The following XKR6 variants were observed in gnomAD, a reference collection of about 807,000 sequenced individuals.
The protein encoded by XKR6 is XK related 6.
In XKR6, 22 loss-of-function variants were observed where a neutral mutation model predicts 56.7. That is an observed-to-expected ratio of 0.39 (90% CI 0.28 to 0.55). The LOEUF (loss-of-function observed/expected upper bound fraction) is 0.55, where lower values mean the gene tolerates loss of function less well. XKR6 is among the 20% of genes least tolerant of loss of function. XKR6 has a pLI of 0.66. For synonymous variants in XKR6, 524 were observed against 387.8 expected, an observed-to-expected ratio of 1.35 and a Z score of -4.13; for missense variants, 852 against 889.0, an observed-to-expected ratio of 0.96 and a Z score of 0.53.
At chr8:10,957,942 G>A (rs536082348) in intron 1 of XKR6, among the ~76,000 whole-genome samples, 4 of 152,190 alleles carry the variant, frequency 2.6e-5, no homozygotes, top group South Asian at 2.1e-4. Context: ...AAAACTTGGT[G>A]TACTATAGTT....
At position 11,200,532 on chromosome 8, in the gene XKR6, G is replaced by C; in HGVS notation, c.764+44C>G. On this transcript the variant is annotated intron_variant, in intron 1 of 2. Coordinates refer to ENST00000416569, the MANE Select transcript of XKR6 (RefSeq NM_173683.4). The surrounding 1 kb of genome is among the most constrained non-coding windows in gnomAD (Gnocchi z 6.4). ...CGCGAAGCACCGGGAGGGCGGAGGG[G>C]GGCTCCTCAGGGCCGGCCCGCCCCC... The C allele has an allele frequency of 7.1e-7, 1 of 1,411,742 alleles. No homozygotes were observed. The highest frequency in any genetic ancestry group is 9.2e-7 in the Non-Finnish European group (1 of 1,091,044). 87.5% of individuals were successfully genotyped at this position (1,411,742 alleles called of 1,614,324 possible).
intron 1 of XKR6, chr8:11,111,774 C>T (rs1440221890): frequency 6.6e-6 from 1 of 152,028 alleles, no homozygotes; most frequent in Non-Finnish European, 1.5e-5. Flanking sequence ...ACTGATTCAT[C>T]TAGTAAGTTA....
chr8:11,059,701 G>A (rs1054873127), intron 1 of XKR6, among the ~76,000 whole-genome samples: 2 of 128,528 alleles, frequency 1.6e-5, no homozygotes, highest in African/African-American at 8.7e-5. Flanking sequence ...CGGGACAGGC[G>A]CGTCTCTGTT....
chr8:11,189,443 A>G (rs1246313132), intron 1 of XKR6, among the ~76,000 whole-genome samples: 2 of 152,144 alleles, frequency 1.3e-5, no homozygotes. Context: ...GGCAACAGCA[A>G]CTCTTTGGTT....
chr8:10,906,962 C>T (rs943091156), intron 2 of XKR6, among the ~76,000 whole-genome samples: 8 of 152,102 alleles, frequency 5.3e-5, no homozygotes, highest in South Asian at 2.1e-4. Context: ...ACAGGGGAAT[C>T]GTTTGAACCT....
chr8:10,909,305 A>G (rs1800282019), intron 2 of XKR6, among the ~76,000 whole-genome samples: 1 of 152,198 alleles, frequency 6.6e-6, no homozygotes, highest in Non-Finnish European at 1.5e-5. Flanking sequence ...CAAAACCATG[A>G]GCCAAATACG....
intron 1 of XKR6, among the ~76,000 whole-genome samples, chr8:11,106,863 A>AAAAAAAAAAAAAAAT (rs60435831): frequency 1.8e-5 from 2 of 109,918 alleles, no homozygotes; most frequent in Non-Finnish European, 1.8e-5. Context: ...AAAAAAAAAA[A>AAAAAAAAAAAAAAAT]AATAAAAAAG....
chr8:11,042,699 A>C (rs997243519), intron 1 of XKR6, among the ~76,000 whole-genome samples: 3 of 152,286 alleles, frequency 2.0e-5, no homozygotes, highest in Non-Finnish European at 4.4e-5. Context: ...TCCAATGAAC[A>C]TATCCTTTGA....
At chr8:11,004,500 A>T (rs895085458) in intron 1 of XKR6, among the ~76,000 whole-genome samples, 6 of 134,036 alleles carry the variant, frequency 4.5e-5, no homozygotes, top group African/African-American at 1.3e-4. Flanking sequence ...AATAAATAAA[A>T]AATAAAGCTC....
intron 1 of XKR6, among the ~76,000 whole-genome samples, chr8:10,957,181 C>T (rs1363815373): frequency 6.6e-6 from 1 of 152,182 alleles, no homozygotes; most frequent in Non-Finnish European, 1.5e-5. Context: ...GAACTCCTGA[C>T]CTCAGATCAT....
intron 1 of XKR6, among the ~76,000 whole-genome samples, chr8:11,095,328 T>C (rs1215001654): frequency 2.0e-5 from 3 of 152,246 alleles, no homozygotes; most frequent in Non-Finnish European, 4.4e-5. Context: ...GAATGTAAGG[T>C]ATTCTTAAAT....
chr8:11,119,676 C>T (rs549386836), intron 1 of XKR6, among the ~76,000 whole-genome samples: 4 of 152,204 alleles, frequency 2.6e-5, no homozygotes, highest in African/African-American at 9.6e-5. Flanking sequence ...TTCCTCCATC[C>T]CTTTATTTTG....
intron 1 of XKR6, among the ~76,000 whole-genome samples, chr8:11,027,684 C>G (rs61163569): frequency 0.027 from 4,162 of 152,300 alleles, 191 homozygotes; most frequent in African/African-American, 0.095. Flanking sequence ...AAGACAACCA[C>G]GTCTACTGGC....
chr8:11,132,771 A>G (rs112806760), intron 1 of XKR6, among the ~76,000 whole-genome samples: 3 of 133,678 alleles, frequency 2.2e-5, no homozygotes, highest in East Asian at 2.0e-4. Context: ...ACGCACGCAC[A>G]CACACACACA....
rs116033620 is a variant in XKR6 at position 10,974,040 on chromosome 8, A to C, written c.765-49210T>G. Among the ~76,000 whole-genome samples the C allele has an allele frequency of 2.5e-3, 374 of 152,380 alleles. 2 individuals carry two copies. Among genetic ancestry groups the C allele is most frequent in the African/African-American group, 8.7e-3 (362 of 41,592 alleles). The stretch of plus-strand genomic sequence containing the variant: ...CTAAGCCATTTGCTTAAGATCACAC[A>C]GGAAATGAATGATAAAGCTAGTTCA... On this transcript the variant is annotated intron_variant, in intron 1 of 2. Coordinates refer to ENST00000416569, the MANE Select transcript of XKR6 (RefSeq NM_173683.4).
At position 10,983,936 on chromosome 8, in the gene XKR6, T is replaced by G. The variant is rs139333773; in HGVS notation, c.765-59106A>C. On this transcript the variant is annotated intron_variant, in intron 1 of 2. Coordinates refer to ENST00000416569, the MANE Select transcript of XKR6 (RefSeq NM_173683.4). ...TCCCAAAGTGCTGGGATTACAGGTG[T>G]GAGCCACTGCGCCCGGCCTTACATA... is the stretch of plus-strand genomic sequence containing the variant. Among the ~76,000 whole-genome samples the G allele has an allele frequency of 7.6e-3, 1,153 of 152,296 alleles. 9 individuals are homozygous for G. Among genetic ancestry groups the G allele is most frequent in the Non-Finnish European group, 0.012 (818 of 68,026 alleles).
intron 1 of XKR6, among the ~76,000 whole-genome samples, chr8:10,993,128 G>A (rs1798031238): frequency 6.6e-6 from 1 of 152,230 alleles, no homozygotes; most frequent in Non-Finnish European, 1.5e-5. Context: ...AACACGGAGG[G>A]CTTTTACTAT....
intron 1 of XKR6, among the ~76,000 whole-genome samples, chr8:11,016,578 C>T (rs894140270): frequency 6.6e-6 from 1 of 152,236 alleles, no homozygotes; most frequent in Non-Finnish European, 1.5e-5. Context: ...CGCGCCCCGA[C>T]AGCGCCGCCC....
chr8:11,071,380 C>T lies in XKR6; in HGVS notation c.764+129196G>A, dbSNP rs140309336. Among the ~76,000 whole-genome samples the T allele has an allele frequency of 6.6e-3, 1,005 of 152,334 alleles. 7 individuals are homozygous for T. Among genetic ancestry groups the T allele is most frequent in the African/African-American group, 0.02 (837 of 41,566 alleles). On this transcript the variant is annotated intron_variant, in intron 1 of 2. Transcript: ENST00000416569. The stretch of plus-strand genomic sequence containing the variant: ...TCAGCCTCCCAAGTAGCTAGGATTA[C>T]AGGCACGCGCCACCATGCCTGTCTA...
Sources: allele counts gnomAD v4.1 joint callset (sites outside exome capture counted in the v4.1 genomes callset), GRCh38; gene constraint gnomAD v4.1.1; non-coding constraint Gnocchi (gnomAD v3.1); transcripts MANE v1.5; gene names NCBI Gene and HGNC (gene_info 2026-07-23, HGNC 2026-07-21).